The following EXOC4 variants were observed in gnomAD, a reference collection of about 807,000 sequenced individuals.
EXOC4 encodes the protein exocyst complex component 4, also known as SEC8-like 1.
A neutral mutation model predicts 107.2 loss-of-function variants in EXOC4; 71 were observed. That is an observed-to-expected ratio of 0.66 (90% CI 0.55 to 0.81). EXOC4 has a LOEUF of 0.81. Ranked by LOEUF, EXOC4 falls within the 30% of genes least tolerant of loss-of-function variation. The probability of loss-of-function intolerance (pLI) is 0.00; values close to 1 mark genes in which losing one functional copy is unlikely to be tolerated. For missense variants in EXOC4, 1,108 were observed against 1,189.6 expected, an observed-to-expected ratio of 0.93 and a Z score of 1.01; for synonymous variants, 456 against 441.2, an observed-to-expected ratio of 1.03 and a Z score of -0.42.
chr7:133,339,721 C>T (rs907690498), intron 5 of EXOC4, among the ~76,000 whole-genome samples: 2 of 152,154 alleles, frequency 1.3e-5, no homozygotes, highest in Non-Finnish European at 2.9e-5. Context: ...AGAGGTCTTT[C>T]ACCTCCTTGG....
chr7:133,431,643 G>A (rs1246617773), intron 7 of EXOC4, among the ~76,000 whole-genome samples: 2 of 152,150 alleles, frequency 1.3e-5, no homozygotes, highest in Non-Finnish European at 2.9e-5. Context: ...TAAATTAAAT[G>A]TAGCATAGCT....
rs529329715 is a variant in EXOC4 at position 133,522,178 on chromosome 7, C to T, written c.1417+42040C>T. 3.3e-5 allele frequency among the ~76,000 whole-genome samples: 5 copies of T among 152,252 alleles called. No individual in the cohort carries two copies. The South Asian group carries it at 1.0e-3, about 32-fold the overall frequency. On this transcript the variant is annotated intron_variant, in intron 9 of 17. Transcript: ENST00000253861. The stretch of plus-strand genomic sequence containing the variant: ...ACAAACATACAAACAAACCCCTGAA[C>T]TACAGTTGTGGACCTTCATTATCTT...
chr7:134,059,896 T>A (rs955089924), intron 17 of EXOC4, among the ~76,000 whole-genome samples: 1 of 152,222 alleles, frequency 6.6e-6, no homozygotes, highest in African/African-American at 2.4e-5. Flanking sequence ...GATAAAATTT[T>A]GTTTTAAAAC....
chr7:133,982,267 T>A lies in EXOC4; in HGVS notation c.2207-15225T>A, dbSNP rs113991644. Among the ~76,000 whole-genome samples, 490 of 152,256 alleles carry A rather than the reference T, an allele frequency of 3.2e-3. 5 individuals are homozygous for A. Among genetic ancestry groups the A allele is most frequent in the African/African-American group, 0.011 (471 of 41,558 alleles). ...AAAATAAAGGTTTAAATTAAAAAGA[T>A]ACGGGCCGGGTGTGGTGGCTCACGC... On this transcript the variant is annotated intron_variant, in intron 14 of 17. Transcript: ENST00000253861.
intron 9 of EXOC4, among the ~76,000 whole-genome samples, chr7:133,604,286 G>T (rs2150989604): frequency 6.6e-6 from 1 of 152,268 alleles, no homozygotes; most frequent in East Asian, 1.9e-4. Flanking sequence ...AATGATAAAA[G>T]TGTAGTATAG....
At chr7:133,486,730 A>T (rs1414500863) in intron 9 of EXOC4, among the ~76,000 whole-genome samples, 1 of 152,132 alleles carries the variant, frequency 6.6e-6, no homozygotes, top group Non-Finnish European at 1.5e-5. Flanking sequence ...GTGTTTAAAA[A>T]TTGATTCCCC....
At chr7:133,677,623 G>A (rs1217427076) in intron 10 of EXOC4, among the ~76,000 whole-genome samples, 3 of 151,672 alleles carry the variant, frequency 2.0e-5, no homozygotes, top group South Asian at 2.1e-4. Flanking sequence ...GGTTAATTTC[G>A]CAAATATTTC....
At chr7:133,713,802 C>T (rs183280632) in intron 10 of EXOC4, among the ~76,000 whole-genome samples, 5 of 152,250 alleles carry the variant, frequency 3.3e-5, no homozygotes, top group Non-Finnish European at 5.9e-5. Flanking sequence ...CCTTGCTTCC[C>T]CTTCACCTTC....
At chr7:133,314,966 C>T (rs947252099) in intron 4 of EXOC4, 1 of 151,910 alleles carries the variant, frequency 6.6e-6, no homozygotes, top group African/African-American at 2.4e-5. Context: ...TTCATTTGTC[C>T]ATTGAAGCAT....
chr7:133,306,215 A>G (rs1274243621), intron 4 of EXOC4, among the ~76,000 whole-genome samples, 154 bp downstream of exon 4: 1 of 152,182 alleles, frequency 6.6e-6, no homozygotes, highest in East Asian at 1.9e-4. Context: ...CAAATACTCC[A>G]TGTTCTGAGA....
rs185086020 is a variant in EXOC4 at position 134,009,251 on chromosome 7, G to A, written c.2687+1416G>A. Among the ~76,000 whole-genome samples the A allele has an allele frequency of 1.8e-4, 28 of 152,124 alleles. No homozygotes were observed. The East Asian group carries it at 5.2e-3, about 28-fold the overall frequency. ...TAGTATTTCTGTGGTCTTTTCACTT[G>A]ATTTTTTTGATTCTTTGAGAAGTGC... On this transcript the variant is annotated intron_variant, in intron 17 of 17. Coordinates refer to ENST00000253861, the MANE Select transcript of EXOC4 (RefSeq NM_021807.4).
intron 10 of EXOC4, among the ~76,000 whole-genome samples, chr7:133,775,220 A>T (rs1796321875): frequency 6.6e-6 from 1 of 152,134 alleles, no homozygotes; most frequent in Non-Finnish European, 1.5e-5. Context: ...AATGTCTTTA[A>T]TCTGTAATGT....
At chr7:133,565,137 G>A (rs1268071556) in intron 9 of EXOC4, among the ~76,000 whole-genome samples, 1 of 152,108 alleles carries the variant, frequency 6.6e-6, no homozygotes, top group Non-Finnish European at 1.5e-5. Context: ...TGAGGTTCAG[G>A]GGAACTGTAA....
chr7:133,906,542 A>G (rs1799569386), intron 12 of EXOC4, among the ~76,000 whole-genome samples: 1 of 152,236 alleles, frequency 6.6e-6, no homozygotes, highest in Non-Finnish European at 1.5e-5. Flanking sequence ...ATCAGGATAT[A>G]AACCCAGGCA....
chr7:134,022,504 T>G (rs1280939879), intron 17 of EXOC4, among the ~76,000 whole-genome samples: 1 of 152,188 alleles, frequency 6.6e-6, no homozygotes, highest in Non-Finnish European at 1.5e-5. Flanking sequence ...AGCACTTGTT[T>G]ACATTATGGG....
At chr7:134,092,879 C>T in the EXOC4 span, among the ~76,000 whole-genome samples, 14 of 147,788 alleles carry the variant, frequency 9.5e-5, no homozygotes, top group South Asian at 2.1e-4. Flanking sequence ...GCCAAGATCA[C>T]GCCATTTTAC....
chr7:133,791,138 A>G (rs1041633149), intron 10 of EXOC4, among the ~76,000 whole-genome samples: 2 of 152,208 alleles, frequency 1.3e-5, no homozygotes, highest in Non-Finnish European at 2.9e-5. Flanking sequence ...GAATGGTGGA[A>G]TCTTCACATT....
At chr7:133,473,567 G>A (rs1352709098) in intron 7 of EXOC4, among the ~76,000 whole-genome samples, 4 of 151,972 alleles carry the variant, frequency 2.6e-5, no homozygotes, top group South Asian at 2.1e-4. Context: ...AGTCTATTTT[G>A]TCTGGTATTG....
intron 9 of EXOC4, among the ~76,000 whole-genome samples, chr7:133,544,887 A>C (rs1163439772): frequency 6.7e-6 from 1 of 148,606 alleles, no homozygotes; most frequent in East Asian, 2.0e-4. Flanking sequence ...TATCTTGTAC[A>C]TGAAATAATA....
Sources: gnomAD v4.1 joint callset for allele counts (sites outside exome capture counted in the v4.1 genomes callset) on GRCh38, gnomAD v4.1.1 for gene constraint, MANE v1.5 for transcripts, NCBI Gene and HGNC (gene_info 2026-07-23, HGNC 2026-07-21) for gene names.